RNF157: variants seen among roughly 807,000 people sequenced by gnomAD.
RNF157 encodes ring finger protein 157, also known as E3 ubiquitin ligase RNF157.
A neutral mutation model predicts 88.3 loss-of-function variants in RNF157; 55 were observed. The observed-to-expected ratio is 0.62, with a 90% CI of 0.50 to 0.78. RNF157 has a LOEUF of 0.78. Among genes scored for constraint, RNF157 ranks in the 30% least tolerant of loss-of-function variants. The pLI is 0.00. For synonymous variants in RNF157, 334 were observed against 341.2 expected (o/e 0.98, Z 0.23); for missense variants, 788 against 860.8 (o/e 0.92, Z 1.06).
chr17:76,215,168 G>A (rs2069867298), intron 1 of RNF157, among the ~76,000 whole-genome samples: 1 of 152,130 alleles, frequency 6.6e-6, no homozygotes, highest in Non-Finnish European at 1.5e-5. Flanking sequence ...AGCAGGCAGG[G>A]TGTGATGGAT....
intron 13 of RNF157, chr17:76,156,609 CT>C: frequency 6.0e-6 from 5 of 836,618 alleles, no homozygotes; most frequent in African/African-American, 1.8e-5. Context: ...ACAGGTCACC[CT>C]GCAGCTGTGA....
At chr17:76,187,031 A>G (rs1225364610) in intron 2 of RNF157, among the ~76,000 whole-genome samples, 2 of 152,116 alleles carry the variant, frequency 1.3e-5, no homozygotes, top group African/African-American at 2.4e-5. Context: ...AAATATATCA[A>G]TGGAAATAGT....
chr17:76,183,223 C>T (rs1392764606), intron 2 of RNF157, among the ~76,000 whole-genome samples: 1 of 152,112 alleles, frequency 6.6e-6, no homozygotes, highest in Non-Finnish European at 1.5e-5. Context: ...AGGTGTGAGC[C>T]ACCACGCCCG....
chr17:76,228,255 T>A (rs2070128307), intron 1 of RNF157, among the ~76,000 whole-genome samples: 1 of 152,160 alleles, frequency 6.6e-6, no homozygotes, highest in Non-Finnish European at 1.5e-5. Context: ...AAGGCACACA[T>A]CAATGCGTCT....
chr17:76,182,152 C>T lies in RNF157; in HGVS notation c.208-8362G>A, dbSNP rs1418801555. Among the ~76,000 whole-genome samples the T allele has an allele frequency of 2.0e-5, 3 of 152,180 alleles. No individual in the cohort carries two copies. In the East Asian group the frequency reaches 5.8e-4, roughly 29 times the overall value. On this transcript the variant is annotated intron_variant, in intron 2 of 18. Transcript: ENST00000269391. ...CTGCTGTGTCTGTCCTGAAGTAAGC[C>T]TGAATCTGAGAATAACTTAAATCCC...
At chr17:76,165,262 T>C (rs2068903749) in intron 7 of RNF157, among the ~76,000 whole-genome samples, 1 of 152,196 alleles carries the variant, frequency 6.6e-6, no homozygotes, top group Non-Finnish European at 1.5e-5. Context: ...GGTCTTATAA[T>C]TATCCAGTCT....
In RNF157 at chr17:76,156,285, A is replaced by G. The variant is rs881502; in HGVS notation, c.1450T>C (p.Leu484=). The change falls in exon 14 of 19, where the codon TTG becomes CTG. Residue 484 remains leucine (L), a synonymous_variant. Transcript: ENST00000269391. Reference sequence around the variant, plus strand: ...TGGTCAATAGCTCCAGATGACGACAAGGTGAGATTCTCACTTTCTGGAGTC... The same window carrying G: ...TGGTCAATAGCTCCAGATGACGACAGGGTGAGATTCTCACTTTCTGGAGTC... ...GVTPESENLT[L]SSSGAIDQSS... is the part of the protein sequence containing the mutation. 574,805 of 1,613,586 alleles carry G rather than the reference A, an allele frequency of 0.36. 104,127 individuals carry two copies. The highest frequency in any genetic ancestry group is 0.37 in the Non-Finnish European group (440,594 of 1,179,706).
chr17:76,229,786 T>C (rs775721482), intron 1 of RNF157, among the ~76,000 whole-genome samples: 1 of 152,198 alleles, frequency 6.6e-6, no homozygotes, highest in Non-Finnish European at 1.5e-5. Flanking sequence ...CTGTTGCTCC[T>C]TGATGGAACC....
chr17:76,213,168 T>C (rs1201748645), intron 1 of RNF157, among the ~76,000 whole-genome samples: 2 of 152,230 alleles, frequency 1.3e-5, no homozygotes, highest in Non-Finnish European at 1.5e-5. Context: ...AGTTATTCCA[T>C]GTATTGAAGA....
At chr17:76,191,388 G>T (rs1402058954) in intron 2 of RNF157, among the ~76,000 whole-genome samples, 4 of 151,866 alleles carry the variant, frequency 2.6e-5, no homozygotes, top group African/African-American at 9.7e-5. Context: ...TGAGGCGGGA[G>T]GATCATGAGG....
In RNF157 at chr17:76,222,384, G is replaced by A. The variant is rs115632951; in HGVS notation, c.89-9902C>T. Among the ~76,000 whole-genome samples, 774 of 151,982 alleles carry A rather than the reference G, an allele frequency of 5.1e-3. 11 individuals carry two copies. Among genetic ancestry groups the A allele is most frequent in the African/African-American group, 0.018 (745 of 41,486 alleles). On this transcript the variant is annotated intron_variant, in intron 1 of 18. Coordinates refer to ENST00000269391, the MANE Select transcript of RNF157 (RefSeq NM_052916.3). ...AAAAAGTTCTAGAATAGAGGTAGTG[G>A]ATTGTGCAACACTGTGAATGTTCAA...
In RNF157 at chr17:76,195,965, C is replaced by T. The variant is rs970908013; in HGVS notation, c.207+16399G>A. ...TACCACCCTCTTTCATGGCAATGAC[C>T]CAATGACCCGGAAGGTACTATCCTT... On this transcript the variant is annotated intron_variant, in intron 2 of 18. Coordinates refer to ENST00000269391, the MANE Select transcript of RNF157 (RefSeq NM_052916.3). The surrounding 1 kb of genome is among the most constrained non-coding windows in gnomAD (Gnocchi z 4.4). Among the ~76,000 whole-genome samples, 1 of 152,292 alleles carries T rather than the reference C, an allele frequency of 6.6e-6. No individual in the cohort carries two copies. The highest frequency in any genetic ancestry group is 3.4e-3 in the Middle Eastern group (1 of 294).
intron 3 of RNF157, among the ~76,000 whole-genome samples, chr17:76,168,133 C>A (rs1454337508): frequency 6.6e-6 from 1 of 152,168 alleles, no homozygotes; most frequent in African/African-American, 2.4e-5. Context: ...GAGGACACCC[C>A]TTTTAGTGAT....
intron 3 of RNF157, among the ~76,000 whole-genome samples, chr17:76,173,267 CAG>C (rs2069048493): frequency 6.6e-6 from 1 of 150,840 alleles, no homozygotes; most frequent in Admixed American, 6.6e-5. Flanking sequence ...GCCTGGGTGA[CAG>C]AGCGAGACTC....
At position 76,155,693 on chromosome 17, in the gene RNF157, C is replaced by A; in HGVS notation, c.1567G>T (p.Ala523Ser). The A allele has an allele frequency of 1.2e-6, 2 of 1,608,534 alleles. No homozygotes were observed. The highest frequency in any genetic ancestry group is 1.7e-6 in the Non-Finnish European group (2 of 1,177,504). Residue 523 changes from alanine (A) to serine (S), a missense_variant, in exon 15 of 19, where the codon GCA (alanine) becomes TCA (serine). Physicochemically the swap from Ala to Ser is moderately conservative, Grantham distance 99 (BLOSUM62 1). Coordinates refer to ENST00000269391, the MANE Select transcript of RNF157 (RefSeq NM_052916.3). ...GTGTCAGTGCTGATCTGGGAGGATGCCATGGACATGACAGACTGGGCCAAG... is the reference window on the plus strand; with the variant it reads ...GTGTCAGTGCTGATCTGGGAGGATGACATGGACATGACAGACTGGGCCAAG... ...SSLAQSVMSM[A>S]SSQISTDTVS...
At position 76,195,918 on chromosome 17, in the gene RNF157, T is replaced by C. The variant is rs2069469855; in HGVS notation, c.207+16446A>G. On this transcript the variant is annotated intron_variant, in intron 2 of 18. Coordinates refer to ENST00000269391, the MANE Select transcript of RNF157 (RefSeq NM_052916.3). The surrounding 1 kb of genome is among the most constrained non-coding windows in gnomAD (Gnocchi z 4.4). The stretch of plus-strand genomic sequence containing the variant: ...AGTGTGTGCCATGTCAGTTTACTAT[T>C]GCCACGGCAACACCTGGAAGTTACC... Among the ~76,000 whole-genome samples, 1 of 152,206 alleles carries C rather than the reference T, an allele frequency of 6.6e-6. No homozygotes were observed. Among genetic ancestry groups the C allele is most frequent in the South Asian group, 2.1e-4 (1 of 4,830 alleles).
chr17:76,169,860 C>T (rs964843801), intron 3 of RNF157, among the ~76,000 whole-genome samples: 4 of 151,586 alleles, frequency 2.6e-5, no homozygotes, highest in South Asian at 2.1e-4. Context: ...GGATTATAGG[C>T]GTGAGCCACC....
chr17:76,225,682 T>G (rs983230121), intron 1 of RNF157: 7 of 1,264,134 alleles, frequency 5.5e-6, no homozygotes. Flanking sequence ...ACAAAATAAT[T>G]TATTGGAACA....
At chr17:76,210,273 T>A (rs557638157) in intron 2 of RNF157, among the ~76,000 whole-genome samples, 1 of 151,824 alleles carries the variant, frequency 6.6e-6, no homozygotes, top group Non-Finnish European at 1.5e-5. Context: ...GGACGAAAAA[T>A]TAGCAGAGGG....
Sources: allele counts gnomAD v4.1 joint callset (sites outside exome capture counted in the v4.1 genomes callset), GRCh38; gene constraint gnomAD v4.1.1; non-coding constraint Gnocchi (gnomAD v3.1); transcripts MANE v1.5; gene names NCBI Gene and HGNC (gene_info 2026-07-23, HGNC 2026-07-21).